SDK2: variants seen among roughly 807,000 people sequenced by gnomAD.
SDK2 encodes the protein sidekick cell adhesion molecule 2, also known as protein sidekick-2.
SDK2 carries 105 observed loss-of-function variants against 253.9 expected under a neutral mutation model. The observed-to-expected ratio is 0.41, with a 90% CI of 0.35 to 0.49. The LOEUF (loss-of-function observed/expected upper bound fraction) is 0.49, where lower values mean the gene tolerates loss of function less well. Ranked by LOEUF, SDK2 falls within the 20% of genes least tolerant of loss-of-function variation. SDK2 has a pLI of 0.06. For missense variants in SDK2, 2,608 were observed against 3,003.0 expected, an observed-to-expected ratio of 0.87 and a Z score of 3.07; for synonymous variants, 1,249 against 1,234.9, an observed-to-expected ratio of 1.01 and a Z score of -0.24.
chr17:73,386,628 G>A, intron 30 of SDK2, 80 bp from the exon 31 acceptor site: 1 of 959,924 alleles, frequency 1.0e-6, no homozygotes. Context: ...GAGTCTCCCT[G>A]ATCTGGCCCT....
In SDK2 at chr17:73,541,566, G is replaced by T. The variant is rs1339261358; in HGVS notation, c.65-33969C>A. Among the ~76,000 whole-genome samples the T allele has an allele frequency of 1.3e-5, 2 of 151,258 alleles. No individual in the cohort carries two copies. The highest frequency in any genetic ancestry group is 2.9e-5 in the Non-Finnish European group (2 of 67,840). On this transcript the variant is annotated intron_variant, in intron 1 of 44. Transcript: ENST00000392650. This position sits in a 1 kb window ranked among gnomAD's most constrained non-coding sequence, Gnocchi z 4.3. The stretch of plus-strand genomic sequence containing the variant: ...GAGTGCCCGTGGTCTACTTCATGGC[G>T]ACTTCAAGGCCAGAGCTCGCCCCAC...
intron 3 of SDK2, among the ~76,000 whole-genome samples, chr17:73,466,630 C>G (rs1244343835): frequency 6.6e-6 from 1 of 151,772 alleles, no homozygotes; most frequent in African/African-American, 2.4e-5. Flanking sequence ...CTTCTAACCT[C>G]TCAGACCTGT....
chr17:73,522,980 G>A (rs2064094574), intron 1 of SDK2, among the ~76,000 whole-genome samples: 1 of 152,190 alleles, frequency 6.6e-6, no homozygotes, highest in Non-Finnish European at 1.5e-5. Context: ...TGTCCCGGCT[G>A]TGGCTGCCAC....
At chr17:73,440,755 T>G in intron 6 of SDK2, 57 bp downstream of exon 6, 1 of 1,300,394 alleles carries the variant, frequency 7.7e-7, no homozygotes, top group Non-Finnish European at 1.1e-6. Context: ...GAGCCCGCAG[T>G]TTGGGAGCAG....
Position 73,541,311 on chromosome 17 carries a change from G to C in SDK2, c.65-33714C>G, listed in dbSNP as rs572273035. On this transcript the variant is annotated intron_variant, in intron 1 of 44. Coordinates refer to ENST00000392650, the MANE Select transcript of SDK2 (RefSeq NM_001144952.2). This position sits in a 1 kb window ranked among gnomAD's most constrained non-coding sequence, Gnocchi z 4.3. ...CCACCCTTCTAAAAGGTGGACCAGG[G>C]CCAGAGCCAGGCTCTCCCTGCTGGT... 3.3e-4 allele frequency among the ~76,000 whole-genome samples: 50 copies of C among 152,188 alleles called. No individual in the cohort carries two copies. The highest frequency in any genetic ancestry group is 5.9e-4 in the Non-Finnish European group (40 of 68,018).
chr17:73,453,835 C>A (rs2063504983), intron 4 of SDK2, among the ~76,000 whole-genome samples: 1 of 152,112 alleles, frequency 6.6e-6, no homozygotes, highest in South Asian at 2.1e-4. Flanking sequence ...GTCAGAGAGT[C>A]TTAGGATAGA....
At chr17:73,432,602 C>T (rs2063334152) in intron 10 of SDK2, among the ~76,000 whole-genome samples, 1 of 151,000 alleles carries the variant, frequency 6.6e-6, no homozygotes, top group Non-Finnish European at 1.5e-5. Flanking sequence ...TGTGGGGAGA[C>T]AGGCCATGAG....
intron 31 of SDK2, 73 bp downstream of exon 31, chr17:73,386,372 C>A (rs897961766): frequency 5.5e-6 from 6 of 1,091,846 alleles, no homozygotes; most frequent in Non-Finnish European, 6.8e-6. Flanking sequence ...CCCCTCCCCC[C>A]GTAAGAAAAT....
In SDK2 at chr17:73,447,710, G is replaced by A. The variant is rs370909712; in HGVS notation, c.518C>T (p.Thr173Met). Reference sequence around the variant, plus strand: ...GTAGCGACCTGCGTCAGGGGCCACCGTTGACAGGATGACAAGGGTGTTCTC... The same window carrying A: ...GTAGCGACCTGCGTCAGGGGCCACCATTGACAGGATGACAAGGGTGTTCTC... The part of the protein sequence containing the change: ...TLENTLVILS[T>M]VAPDAGRYYV... The change falls in exon 5 of 45, where the codon ACG becomes ATG. Residue 173 changes from threonine (T) to methionine (M), a missense_variant. By Grantham distance (81) the Thr-to-Met change is moderately conservative (BLOSUM62 -1). Coordinates refer to ENST00000392650, the MANE Select transcript of SDK2 (RefSeq NM_001144952.2). This position sits in a 1 kb window ranked among gnomAD's most constrained non-coding sequence, Gnocchi z 4.0. 86 of 1,551,722 alleles carry A rather than the reference G, an allele frequency of 5.5e-5. No individual in the cohort carries two copies. Among genetic ancestry groups the A allele is most frequent in the South Asian group, 3.8e-4 (32 of 84,052 alleles).
At chr17:73,472,326 AAG>A in intron 2 of SDK2, 108 bp from the exon 3 acceptor site, 1 of 711,518 alleles carries the variant, frequency 1.4e-6, no homozygotes, top group Admixed American at 2.2e-5. Flanking sequence ...CTTTTGGAAT[AAG>A]AGTACCAGGG....
rs2063841771 is a variant in SDK2, at chr17:73,496,389, A to G, written c.224+11049T>C. On this transcript the variant is annotated intron_variant, in intron 2 of 44. Transcript: ENST00000392650. The surrounding 1 kb of genome is among the most constrained non-coding windows in gnomAD (Gnocchi z 4.7). ...GTGGGATGCTGGGGCTGGATCTGGGAAGATAAACAACGGTTTGCCAGGTAG... is the reference window on the plus strand; with the variant it reads ...GTGGGATGCTGGGGCTGGATCTGGGGAGATAAACAACGGTTTGCCAGGTAG... Among the ~76,000 whole-genome samples, 1 of 152,186 alleles carries G rather than the reference A, an allele frequency of 6.6e-6. No individual in the cohort carries two copies. The highest frequency in any genetic ancestry group is 1.5e-5 in the Non-Finnish European group (1 of 68,034).
intron 6 of SDK2, 98 bp downstream of exon 6, chr17:73,440,714 C>T (rs2063408695): frequency 1.2e-6 from 1 of 839,932 alleles, no homozygotes; most frequent in South Asian, 1.4e-5. Context: ...CCTGGATCCT[C>T]AGGTGATGTG....
chr17:73,345,913 AAT>A (rs1337949455), intron 44 of SDK2, among the ~76,000 whole-genome samples: 1 of 152,118 alleles, frequency 6.6e-6, no homozygotes. Flanking sequence ...TAGTACAGAA[AAT>A]ATGATTCACG....
At position 73,399,953 on chromosome 17, in the gene SDK2, G is replaced by A. The variant is rs545780285; in HGVS notation, c.2972-664C>T. Among the ~76,000 whole-genome samples, 3 of 152,276 alleles carry A rather than the reference G, an allele frequency of 2.0e-5. No individual in the cohort carries two copies. In the East Asian group the frequency reaches 5.8e-4, roughly 29 times the overall value. ...AGGATAATAGCAACACCTCCCTCAGGGTTGTTGTGAGGATTAAATGAGTCA... is the reference window on the plus strand; with the variant it reads ...AGGATAATAGCAACACCTCCCTCAGAGTTGTTGTGAGGATTAAATGAGTCA... On this transcript the variant is annotated intron_variant, in intron 21 of 44. Coordinates refer to ENST00000392650, the MANE Select transcript of SDK2 (RefSeq NM_001144952.2).
chr17:73,423,769 G>T, intron 13 of SDK2, 147 bp downstream of exon 13: 1 of 779,052 alleles, frequency 1.3e-6, no homozygotes, highest in Non-Finnish European at 2.0e-6. Context: ...GGCCTGGAAG[G>T]ATGCTGGGGG....
At chr17:73,638,664 A>G (rs905613382) in intron 1 of SDK2, among the ~76,000 whole-genome samples, 2 of 151,894 alleles carry the variant, frequency 1.3e-5, no homozygotes, top group African/African-American at 4.8e-5. Context: ...ATGTCTGGGG[A>G]GTAGAGGGGC....
chr17:73,342,418 C>G (rs1259459792), intron 44 of SDK2, among the ~76,000 whole-genome samples: 2 of 152,172 alleles, frequency 1.3e-5, no homozygotes, highest in African/African-American at 4.8e-5. Context: ...ATATGCCGAG[C>G]GGGGGCACCT....
Position 73,440,735 on chromosome 17 carries a change from G to T in SDK2, c.725+77C>A, listed in dbSNP as rs1048547682. The T allele has an allele frequency of 6.7e-6, 7 of 1,046,704 alleles. No homozygotes were observed. The African/African-American group carries it at 9.5e-5, about 14-fold the overall frequency. 64.8% of individuals were successfully genotyped at this position (1,046,704 alleles called of 1,614,324 possible). ...TCCTCAGGTGATGTGGCTTCTGGCT[G>T]CTCTCCCTGGAGCCCGCAGTTTGGG... On this transcript the variant is annotated intron_variant, in intron 6 of 44. Transcript: ENST00000392650.
At chr17:73,469,412 G>A (rs1171222833) in intron 3 of SDK2, among the ~76,000 whole-genome samples, 2 of 152,230 alleles carry the variant, frequency 1.3e-5, no homozygotes, top group African/African-American at 4.8e-5. Context: ...AGAAGCAGGT[G>A]TCAGGGTGTT....
Sources: allele counts gnomAD v4.1 joint callset (sites outside exome capture counted in the v4.1 genomes callset), GRCh38; gene constraint gnomAD v4.1.1; non-coding constraint Gnocchi (gnomAD v3.1); transcripts MANE v1.5; gene names NCBI Gene and HGNC (gene_info 2026-07-23, HGNC 2026-07-21).